The following ARHGAP6 variants were observed in gnomAD, a reference collection of about 807,000 sequenced individuals.
The protein encoded by ARHGAP6 is rho GTPase-activating protein 6.
Under a neutral mutation model 55.7 loss-of-function variants are expected in ARHGAP6, and 16 were observed. The observed-to-expected ratio is 0.29, with a 90% CI of 0.19 to 0.44. The LOEUF (loss-of-function observed/expected upper bound fraction) is 0.44. Among genes scored for constraint, ARHGAP6 ranks in the 20% least tolerant of loss-of-function variants. The probability of loss-of-function intolerance (pLI) is 1.00; values close to 1 mark genes in which losing one functional copy is unlikely to be tolerated. For synonymous variants in ARHGAP6, 382 were observed against 360.9 expected (o/e 1.06, Z -0.66); for missense variants, 698 against 808.9 (o/e 0.86, Z 1.66).
intron 1 of ARHGAP6, among the ~76,000 whole-genome samples, chrX:11,319,616 C>CAA (rs754521190): frequency 1.8e-5 from 2 of 112,351 alleles, no homozygotes; most frequent in African/African-American, 6.5e-5. Flanking sequence ...CAATATACAT[C>CAA]ACAGTGTTAA....
At chrX:11,247,894 A>G (rs1420730756) in intron 2 of ARHGAP6, among the ~76,000 whole-genome samples, 1 of 111,669 alleles carries the variant, frequency 9.0e-6, no homozygotes, top group Admixed American at 9.5e-5. Flanking sequence ...AGCCTATGCC[A>G]AGAGTAGCCA....
intron 2 of ARHGAP6, among the ~76,000 whole-genome samples, chrX:11,252,299 T>G (rs2047434196): frequency 1.8e-5 from 2 of 112,781 alleles, no homozygotes; most frequent in South Asian, 7.3e-4. Context: ...ATCATTCTCT[T>G]CACTACAAAT....
chrX:11,346,250 T>C (rs2048782564), intron 1 of ARHGAP6, among the ~76,000 whole-genome samples: 2 of 112,179 alleles, frequency 1.8e-5, no homozygotes, highest in Non-Finnish European at 3.8e-5. Context: ...TGTCTGTTTC[T>C]GTGAATACAG....
intron 12 of ARHGAP6, 148 bp from the exon 13 acceptor site, chrX:11,139,678 A>G (rs1242513583): frequency 2.9e-5 from 17 of 579,379 alleles, no homozygotes; most frequent in Non-Finnish European, 3.9e-5. Flanking sequence ...AGCTGCTGCT[A>G]CCTGAAGAAA....
intron 1 of ARHGAP6, among the ~76,000 whole-genome samples, chrX:11,403,039 G>C (rs1259449185): frequency 8.9e-6 from 1 of 112,214 alleles, no homozygotes; most frequent in African/African-American, 3.2e-5. Flanking sequence ...TGGCTGCTCA[G>C]TATGGGAAAG....
intron 1 of ARHGAP6, among the ~76,000 whole-genome samples, chrX:11,583,640 C>A (rs2051690142): frequency 8.9e-6 from 1 of 111,792 alleles, no homozygotes; most frequent in African/African-American, 3.2e-5. Context: ...AGAATTATTA[C>A]AAAGCTAAGC....
intron 1 of ARHGAP6, among the ~76,000 whole-genome samples, chrX:11,362,744 A>G (rs948673509): frequency 9.0e-6 from 1 of 111,212 alleles, no homozygotes; most frequent in Non-Finnish European, 1.9e-5. Context: ...GTCTTCTAAG[A>G]AGGTACTCCT....
intron 1 of ARHGAP6, among the ~76,000 whole-genome samples, chrX:11,356,883 C>CA: frequency 8.9e-6 from 1 of 111,814 alleles, no homozygotes; most frequent in Middle Eastern, 4.7e-3. Context: ...ATATTTAACA[C>CA]AAAATATCCA....
At chrX:11,584,484 T>C (rs5978442) in intron 1 of ARHGAP6, among the ~76,000 whole-genome samples, 39,739 of 110,329 alleles carry the variant, frequency 0.36, 5,421 homozygotes, top group African/African-American at 0.47. Flanking sequence ...GCCCAAAGCA[T>C]ACCTAATCCC....
chrX:11,505,928 C>T (rs2050727626), intron 1 of ARHGAP6, among the ~76,000 whole-genome samples: 2 of 110,980 alleles, frequency 1.8e-5, no homozygotes, highest in South Asian at 7.7e-4. Context: ...AAAAAAATAA[C>T]TAGCAGGTAC....
intron 1 of ARHGAP6, among the ~76,000 whole-genome samples, chrX:11,467,113 G>A (rs1402732382): frequency 9.0e-6 from 1 of 111,446 alleles, no homozygotes; most frequent in East Asian, 2.8e-4. Context: ...CTTGCCCATG[G>A]TAACAAGTTG....
At chrX:11,156,674 G>C in intron 9 of ARHGAP6, 48 bp from the exon 10 acceptor site, 1 of 956,487 alleles carries the variant, frequency 1.0e-6, no homozygotes, top group Non-Finnish European at 1.5e-6. Flanking sequence ...TCCAGAAACA[G>C]GCAACATATG....
intron 1 of ARHGAP6, among the ~76,000 whole-genome samples, chrX:11,469,758 A>G (rs1386020356): frequency 2.7e-5 from 3 of 111,476 alleles, no homozygotes; most frequent in African/African-American, 9.8e-5. Context: ...AGAAAAGCCT[A>G]TCCCAATGTC....
At chrX:11,463,730 A>G (rs1319031145) in intron 1 of ARHGAP6, among the ~76,000 whole-genome samples, 1 of 112,347 alleles carries the variant, frequency 8.9e-6, no homozygotes, top group Non-Finnish European at 1.9e-5. Flanking sequence ...TGATTCCATT[A>G]AAGTCATCAC....
chrX:11,249,627 G>C (rs981014300), intron 2 of ARHGAP6, among the ~76,000 whole-genome samples: 2 of 111,476 alleles, frequency 1.8e-5, no homozygotes, highest in Non-Finnish European at 3.8e-5. Context: ...ATGTGAGGGA[G>C]AGCATCTTTT....
At chrX:11,308,669 T>C (rs1051978573) in intron 1 of ARHGAP6, among the ~76,000 whole-genome samples, 21 of 112,057 alleles carry the variant, frequency 1.9e-4, no homozygotes, top group African/African-American at 6.5e-4. Flanking sequence ...TCATCCTGGA[T>C]TAGTCTGGTG....
At chrX:11,351,687 T>C in intron 1 of ARHGAP6, 1 of 498,198 alleles carries the variant, frequency 2.0e-6, no homozygotes, top group African/African-American at 2.6e-5. Flanking sequence ...ACAGTGCAGC[T>C]GGAACTGTGC....
chrX:11,140,419 A>C (rs1292659787), intron 12 of ARHGAP6, among the ~76,000 whole-genome samples: 17 of 90,384 alleles, frequency 1.9e-4, no homozygotes, highest in Admixed American at 1.2e-3. Context: ...CTCCGTCACA[A>C]AAAAAAAAAA....
intron 1 of ARHGAP6, among the ~76,000 whole-genome samples, chrX:11,546,926 C>T (rs1245147034): frequency 1.8e-5 from 2 of 111,810 alleles, no homozygotes; most frequent in Non-Finnish European, 1.9e-5. Context: ...ACAAAGGCTT[C>T]GCTTGTTAGT....
Sources: gnomAD v4.1 joint callset for allele counts (sites outside exome capture counted in the v4.1 genomes callset) on GRCh38, gnomAD v4.1.1 for gene constraint, MANE v1.5 for transcripts, NCBI Gene and HGNC (gene_info 2026-07-23, HGNC 2026-07-21) for gene names.